MYO10: variants seen among roughly 807,000 people sequenced by gnomAD.
MYO10 encodes the protein myosin X.
MYO10 carries 133 observed loss-of-function variants against 257.3 expected under a neutral mutation model. That is an observed-to-expected ratio of 0.52 (90% confidence interval 0.45 to 0.60). The LOEUF (loss-of-function observed/expected upper bound fraction) is 0.60, where lower values mean the gene tolerates loss of function less well. Ranked by LOEUF, MYO10 falls within the 20% of genes least tolerant of loss-of-function variation. The pLI is 0.00. For missense variants in MYO10, 2,399 were observed against 2,635.7 expected, an observed-to-expected ratio of 0.91 and a Z score of 1.97; for synonymous variants, 1,104 against 1,028.6, an observed-to-expected ratio of 1.07 and a Z score of -1.40.
At chr5:16,755,895 C>T (rs1319116972) in intron 18 of MYO10, among the ~76,000 whole-genome samples, 5 of 152,114 alleles carry the variant, frequency 3.3e-5, no homozygotes, top group African/African-American at 1.2e-4. Context: ...TTTCCTCCAG[C>T]AGCATTTCAG....
Position 16,764,352 on chromosome 5 carries a change from G to T in MYO10, c.1224C>A (p.Cys408Ter). The change falls in exon 12 of 41, where the codon TGC becomes TGA. Residue 408 changes from cysteine to a stop codon, truncating the protein, a stop_gained. Transcript: ENST00000513610. LOFTEE classifies it high-confidence loss of function. ...TCTTCTTGATTACCCACTCAAAGCA[G>T]CACGCATACAGAGCCATGGCCAGGG... ...RDSLAMALYA[C>*]CFEWVIKKIN... 1 of 1,613,946 alleles carries T rather than the reference G, an allele frequency of 6.2e-7. No homozygotes were observed. Among genetic ancestry groups the T allele is most frequent in the Non-Finnish European group, 8.5e-7 (1 of 1,179,884 alleles).
intron 19 of MYO10, among the ~76,000 whole-genome samples, chr5:16,737,923 G>A (rs73755172): frequency 0.014 from 2,072 of 152,336 alleles, 55 homozygotes; most frequent in African/African-American, 0.048. Flanking sequence ...AGAATCATCT[G>A]TTTGAGATAG....
chr5:16,826,181 C>A (rs1382037571), intron 2 of MYO10, among the ~76,000 whole-genome samples: 1 of 150,238 alleles, frequency 6.7e-6, no homozygotes, highest in Non-Finnish European at 1.5e-5. Context: ...AAAAAAAAAA[C>A]ACAACAAAAA....
chr5:16,698,624 T>TTTTTTTG (rs1491399123), intron 26 of MYO10, among the ~76,000 whole-genome samples: 3 of 51,686 alleles, frequency 5.8e-5, no homozygotes, highest in Non-Finnish European at 1.2e-4. Context: ...GAACATGCAG[T>TTTTTTTG]TTTTTTTTTT....
intron 1 of MYO10, among the ~76,000 whole-genome samples, chr5:16,907,966 C>T (rs1168404534): frequency 6.6e-6 from 1 of 152,224 alleles, no homozygotes; most frequent in East Asian, 1.9e-4. Context: ...GGCTCGGTGG[C>T]TCACGCCTGT....
intron 9 of MYO10, among the ~76,000 whole-genome samples, chr5:16,769,998 C>T (rs1487842657): frequency 6.6e-6 from 1 of 151,908 alleles, no homozygotes; most frequent in African/African-American, 2.4e-5. Context: ...AAACTCCTGG[C>T]CTCAAGCAAT....
rs1273728043 is a variant in MYO10 at position 16,763,557 on chromosome 5, G to A, written c.1428-10C>T. 3 of 1,607,260 alleles carry A rather than the reference G, an allele frequency of 1.9e-6. No homozygotes were observed. In the African/African-American group the frequency reaches 4.0e-5, roughly 22 times the overall value. On this transcript the variant is annotated splice_polypyrimidine_tract_variant and intron_variant, in intron 13 of 40. Transcript: ENST00000513610. ...CCACACTAATCCTTCCCTGTAGAAA[G>A]ATTTTAAACAGCCAAGTTAAATGAA...
chr5:16,785,417 G>A lies in MYO10; in HGVS notation c.468-1948C>T, dbSNP rs577166065. On this transcript the variant is annotated intron_variant, in intron 4 of 40. Transcript: ENST00000513610. Reference sequence around the variant, plus strand: ...ATATTTAAAACATATCTATATTGACGCGACAGCTGTTGGTGGCTGAGTTAT... The same window carrying A: ...ATATTTAAAACATATCTATATTGACACGACAGCTGTTGGTGGCTGAGTTAT... Among the ~76,000 whole-genome samples, 16 of 152,346 alleles carry A rather than the reference G, an allele frequency of 1.1e-4. No individual in the cohort carries two copies. The South Asian group carries it at 2.1e-3, about 20-fold the overall frequency.
intron 1 of MYO10, among the ~76,000 whole-genome samples, chr5:16,886,122 G>A (rs1006212471): frequency 3.9e-5 from 6 of 152,162 alleles, no homozygotes; most frequent in Admixed American, 1.3e-4. Context: ...GTTCAGCCAC[G>A]GCCATGTAGG....
At position 16,794,764 on chromosome 5, in the gene MYO10, T is replaced by C. The variant is rs939639623; in HGVS notation, c.349A>G (p.Thr117Ala). The change falls in exon 4 of 41, where the codon ACC becomes GCC. Residue 117 changes from threonine (T) to alanine (A), a missense_variant. Physicochemically the swap from Thr to Ala is moderately conservative, Grantham distance 58. Coordinates refer to ENST00000513610, the MANE Select transcript of MYO10 (RefSeq NM_012334.3). ...TGGCGCCGGCTGTACTGCTCCATGG[T>C]GGCAGGCTCGTACAGCCCGGCGATG... ...QPIAGLYEPA[T>A]MEQYSRRHLG... is the part of the protein sequence containing the mutation. The C allele has an allele frequency of 6.8e-6, 11 of 1,610,426 alleles. No homozygotes were observed. Among genetic ancestry groups the C allele is most frequent in the Non-Finnish European group, 9.3e-6 (11 of 1,178,520 alleles).
At chr5:16,893,899 G>C (rs892168028) in intron 1 of MYO10, among the ~76,000 whole-genome samples, 2 of 152,138 alleles carry the variant, frequency 1.3e-5, no homozygotes, top group African/African-American at 4.8e-5. Flanking sequence ...GCAGTGGGTG[G>C]GCACCAGGCA....
intron 4 of MYO10, among the ~76,000 whole-genome samples, chr5:16,787,855 T>C (rs1399013249): frequency 6.6e-6 from 1 of 152,104 alleles, no homozygotes; most frequent in Non-Finnish European, 1.5e-5. Context: ...TGGAGTGCAG[T>C]GGCGCAATCT....
chr5:16,685,631 A>G (rs1209017221), intron 29 of MYO10, 107 bp downstream of exon 29: 7 of 849,162 alleles, frequency 8.2e-6, no homozygotes, highest in Non-Finnish European at 1.1e-5. Context: ...ACCTTTTAAA[A>G]AAAGACTGTC....
intron 9 of MYO10, among the ~76,000 whole-genome samples, chr5:16,770,248 G>A (rs1260022762): frequency 1.3e-5 from 2 of 151,958 alleles, no homozygotes; most frequent in Admixed American, 1.3e-4. Flanking sequence ...CTTAAAAAAA[G>A]AAAAAAATTA....
At chr5:16,877,757 G>C (rs751086887) in intron 1 of MYO10, 50 bp from the exon 2 acceptor site, 1 of 1,456,058 alleles carries the variant, frequency 6.9e-7, no homozygotes, top group African/African-American at 1.4e-5. Context: ...GCATTTTGTG[G>C]CGAAACTGTA....
At chr5:16,822,597 A>G (rs1580036191) in intron 2 of MYO10, among the ~76,000 whole-genome samples, 3 of 152,316 alleles carry the variant, frequency 2.0e-5, no homozygotes, top group African/African-American at 7.2e-5. Context: ...AAACAGAACC[A>G]GCGCCCTGCG....
At chr5:16,871,114 G>T (rs253315) in intron 2 of MYO10, among the ~76,000 whole-genome samples, 111,252 of 152,036 alleles carry the variant, frequency 0.73, 40,989 homozygotes, top group African/African-American at 0.82. Context: ...ACCATCACCA[G>T]CATCCATCTT....
chr5:16,820,880 CATCTTATATGTAATACATAT>C (rs1195582408), intron 2 of MYO10, among the ~76,000 whole-genome samples: 6 of 148,836 alleles, frequency 4.0e-5, no homozygotes, highest in South Asian at 4.2e-4. Flanking sequence ...ACATATAAAA[CATCTTATATGTAATACATAT>C]ATCTTATATG....
intron 27 of MYO10, among the ~76,000 whole-genome samples, chr5:16,692,501 C>T (rs1737554328): frequency 6.6e-6 from 1 of 151,998 alleles, no homozygotes. Context: ...ATATTAGGAG[C>T]TAACATTATT....
Sources: allele counts gnomAD v4.1 joint callset (sites outside exome capture counted in the v4.1 genomes callset), GRCh38; gene constraint gnomAD v4.1.1; transcripts MANE v1.5; gene names NCBI Gene and HGNC (gene_info 2026-07-23, HGNC 2026-07-21).